Variants in FGF14 observed in about 807,000 individuals in gnomAD.
FGF14 encodes fibroblast growth factor homologous factor 4.
FGF14 carries 5 observed loss-of-function variants against 25.5 expected under a neutral mutation model. The observed-to-expected ratio is 0.20, with a 90% CI of 0.10 to 0.41. The LOEUF (loss-of-function observed/expected upper bound fraction) is 0.41, where lower values mean the gene tolerates loss of function less well. FGF14 is among the 10% of genes least tolerant of loss of function. The pLI is 1.00. For synonymous variants in FGF14, 138 were observed against 118.3 expected (o/e 1.17, Z -1.08); for missense variants, 222 against 320.1 (o/e 0.69, Z 2.34).
At chr13:101,949,438 T>C (rs1330475401) in intron 1 of FGF14, among the ~76,000 whole-genome samples, 1 of 152,126 alleles carries the variant, frequency 6.6e-6, no homozygotes, top group African/African-American at 2.4e-5. Context: ...TGCAGAAACC[T>C]GAGGGGCTGA....
At chr13:101,921,855 T>A (rs746453978), upstream of FGF14, among the ~76,000 whole-genome samples, 3 of 152,216 alleles carry the variant, frequency 2.0e-5, no homozygotes, top group African/African-American at 7.2e-5. Flanking sequence ...TTTCCTCACA[T>A]CTTTGCTCAT....
chr13:101,918,197 GAAAAAAAC>G (rs1163471687), upstream of FGF14, among the ~76,000 whole-genome samples: 30 of 151,736 alleles, frequency 2.0e-4, no homozygotes, highest in African/African-American at 7.0e-4. Flanking sequence ...GAGGGCACCC[GAAAAAAAC>G]AAAAAGCCGG....
intron 1 of FGF14, among the ~76,000 whole-genome samples, chr13:102,264,134 G>A (rs1336358878): frequency 6.6e-6 from 1 of 151,758 alleles, no homozygotes; most frequent in Non-Finnish European, 1.5e-5. Context: ...GATCAAAGCT[G>A]TTTGAATCAT....
At chr13:101,880,644 TGAGGA>T (rs1330865376) in intron 1 of FGF14, among the ~76,000 whole-genome samples, 1 of 152,156 alleles carries the variant, frequency 6.6e-6, no homozygotes, top group Non-Finnish European at 1.5e-5. Flanking sequence ...TGCTGTTTAT[TGAGGA>T]GAGGAAAGAA....
intron 1 of FGF14, among the ~76,000 whole-genome samples, chr13:102,037,685 T>C (rs2041541436): frequency 6.6e-6 from 1 of 152,182 alleles, no homozygotes; most frequent in Non-Finnish European, 1.5e-5. Flanking sequence ...GTTTGCTAAA[T>C]TTGTTAATAA....
chr13:102,247,783 T>C (rs753308699), intron 1 of FGF14, among the ~76,000 whole-genome samples: 1 of 152,146 alleles, frequency 6.6e-6, no homozygotes, highest in Non-Finnish European at 1.5e-5. Context: ...TAATGGCACA[T>C]GCACACATAT....
chr13:102,209,786 G>C (rs981297450), intron 1 of FGF14, among the ~76,000 whole-genome samples: 2 of 152,018 alleles, frequency 1.3e-5, no homozygotes, highest in Non-Finnish European at 2.9e-5. Flanking sequence ...AATAGATTAA[G>C]GGTTCCTAGC....
chr13:101,949,845 T>C (rs1299508604), intron 1 of FGF14, among the ~76,000 whole-genome samples: 1 of 152,172 alleles, frequency 6.6e-6, no homozygotes, highest in Non-Finnish European at 1.5e-5. Flanking sequence ...AAGCCAACCA[T>C]GGCTAACCCA....
intron 3 of FGF14, among the ~76,000 whole-genome samples, chr13:101,840,217 A>AATTATAAACAAATTTTAT (rs1440829327): frequency 7.2e-5 from 11 of 152,068 alleles, no homozygotes; most frequent in Middle Eastern, 3.4e-3. Context: ...ATTTGTTTTA[A>AATTATAAACAAATTTTAT]ATTATAAACT....
chr13:101,732,293 C>T (rs982421756), intron 3 of FGF14, among the ~76,000 whole-genome samples: 19 of 152,126 alleles, frequency 1.2e-4, no homozygotes, highest in African/African-American at 4.3e-4. Context: ...TGCCCACCAT[C>T]ACCATTTAAG....
chr13:102,275,257 TC>T (rs2053470880), intron 1 of FGF14, among the ~76,000 whole-genome samples: 1 of 62,374 alleles, frequency 1.6e-5, no homozygotes, highest in Non-Finnish European at 3.1e-5. Flanking sequence ...TCTCTCTCTC[TC>T]TCTTTCTCTC....
intron 1 of FGF14, among the ~76,000 whole-genome samples, chr13:102,161,589 G>GAAAGAAGAAGAAAGAAGAAGA (rs1566764040): frequency 8.9e-4 from 2 of 2,250 alleles, no homozygotes; most frequent in Admixed American, 4.6e-3. Context: ...AGAAGAAGAA[G>GAAAGAAGAAGAAAGAAGAAGA]AAGAAGAAGA....
intron 1 of FGF14, among the ~76,000 whole-genome samples, chr13:102,029,558 A>C (rs1353963209): frequency 6.6e-6 from 1 of 152,104 alleles, no homozygotes; most frequent in African/African-American, 2.4e-5. Context: ...GCTACATTAA[A>C]CTATAAGATC....
chr13:102,323,961 G>A (rs113427807), intron 1 of FGF14, among the ~76,000 whole-genome samples: 877 of 46,162 alleles, frequency 0.019, 10 homozygotes, highest in African/African-American at 0.12. Flanking sequence ...TGCAGTATGT[G>A]TGTGTGTGTG....
intron 1 of FGF14, among the ~76,000 whole-genome samples, chr13:102,315,291 C>T (rs539910379): frequency 6.6e-6 from 1 of 152,254 alleles, no homozygotes; most frequent in Non-Finnish European, 1.5e-5. Context: ...GTCAGTCACA[C>T]TTTCACAGAC....
chr13:101,791,133 G>T (rs1156988280), intron 3 of FGF14, among the ~76,000 whole-genome samples: 1 of 152,160 alleles, frequency 6.6e-6, no homozygotes. Context: ...CCCCTTTACA[G>T]CTGGGTGGCC....
chr13:101,982,835 ACAT>A (rs2139621425), intron 1 of FGF14, among the ~76,000 whole-genome samples: 1 of 152,332 alleles, frequency 6.6e-6, no homozygotes, highest in South Asian at 2.1e-4. Flanking sequence ...TAAAGGCTCT[ACAT>A]CATTTATCCA....
intron 1 of FGF14, among the ~76,000 whole-genome samples, chr13:102,340,671 CAACA>C (rs2056923348): frequency 6.6e-6 from 1 of 151,992 alleles, no homozygotes; most frequent in Non-Finnish European, 1.5e-5. Flanking sequence ...AGAAAGTGTC[CAACA>C]AACAAAACTT....
At chr13:101,943,812 T>TACAAAAAAA (rs796285466) in intron 1 of FGF14, among the ~76,000 whole-genome samples, 32 of 134,240 alleles carry the variant, frequency 2.4e-4, no homozygotes, top group African/African-American at 8.6e-4. Context: ...TGTCTCTACT[T>TACAAAAAAA]AAAAAAAAAA....
Sources: allele counts gnomAD v4.1 joint callset (sites outside exome capture counted in the v4.1 genomes callset), GRCh38; gene constraint gnomAD v4.1.1; transcripts MANE v1.5; gene names NCBI Gene and HGNC (gene_info 2026-07-23, HGNC 2026-07-21).